Variants in VXN observed in about 807,000 individuals in gnomAD.
The protein encoded by VXN is vexin, also known as uncharacterized protein C8orf46.
In VXN, 7 loss-of-function variants were observed where a neutral mutation model predicts 23.1. That is an observed-to-expected ratio of 0.30 (90% confidence interval 0.17 to 0.57). VXN has a LOEUF of 0.57. Ranked by LOEUF, VXN falls within the 20% of genes least tolerant of loss-of-function variation. The pLI is 0.91. For synonymous variants in VXN, 120 were observed against 105.8 expected (o/e 1.13, Z -0.83); for missense variants, 238 against 272.6 (o/e 0.87, Z 0.89).
intron 3 of VXN, 81 bp downstream of exon 3, chr8:66,505,609 G>T: frequency 2.1e-6 from 3 of 1,403,562 alleles, no homozygotes; most frequent in Non-Finnish European, 2.8e-6. Flanking sequence ...CCAGGTCAGG[G>T]CAGCGTTGGC....
At position 66,518,368 on chromosome 8, in the gene VXN, T is replaced by A. The variant is rs911961934; in HGVS notation, c.*2292T>A. 1.4e-4 allele frequency: 22 copies of A among 152,246 alleles called. No homozygotes were observed. The highest frequency in any genetic ancestry group is 5.1e-4 in the African/African-American group (21 of 41,458). The allele number at this position is 152,246 out of a possible 1,614,324, so 9.4% of individuals were successfully genotyped here. The stretch of plus-strand genomic sequence containing the variant: ...TCATTTATAACTGGTATCTTTCATT[T>A]GTATGTGGCAGCTAGAGATTTATAT... On this transcript the variant is annotated 3_prime_UTR_variant, in exon 6 of 6. Coordinates refer to ENST00000305454, the MANE Select transcript of VXN (RefSeq NM_152765.4).
intron 5 of VXN, among the ~76,000 whole-genome samples, chr8:66,515,233 T>C (rs1289079729): frequency 2.0e-5 from 3 of 152,218 alleles, no homozygotes; most frequent in Non-Finnish European, 4.4e-5. Context: ...AATGGCTCCC[T>C]TCTCTCTAAA....
In VXN at chr8:66,505,414, G is replaced by A. The variant is rs1807739747; in HGVS notation, c.166G>A (p.Glu56Lys). The A allele has an allele frequency of 6.3e-7, 1 of 1,581,376 alleles. No homozygotes were observed. The highest frequency in any genetic ancestry group is 2.3e-5 in the East Asian group (1 of 43,544). The change falls in exon 3 of 6, where the codon GAG becomes AAG. Residue 56 changes from glutamate (E) to lysine (K), a missense_variant. Transcript: ENST00000305454. Reference sequence around the variant, plus strand: ...GGACCTGTACACGCACCAGCCCCTGGAGCTGCTGCCCCACCGCGGAGACCG... The same window carrying A: ...GGACCTGTACACGCACCAGCCCCTGAAGCTGCTGCCCCACCGCGGAGACCG... Reference protein sequence around the residue: ...ESDLYTHQPLELLPHRGDRRD... With the variant: ...ESDLYTHQPLKLLPHRGDRRD...
chr8:66,504,403 C>T (rs1043856656), intron 2 of VXN, among the ~76,000 whole-genome samples: 43 of 150,990 alleles, frequency 2.8e-4, no homozygotes, highest in Non-Finnish European at 2.2e-4. Context: ...TGCCCACCAC[C>T]GCCCCCCCAC....
chr8:66,496,442 A>G lies in VXN; in HGVS notation c.76A>G (p.Ser26Gly), dbSNP rs768257600. The G allele has an allele frequency of 3.7e-6, 6 of 1,614,122 alleles. No individual in the cohort carries two copies. The South Asian group carries it at 5.5e-5, about 15-fold the overall frequency. ...CTTTCTCTCTGTCTTTGCAGTATCC[A>G]GTCCAGCCAGAAGAAGAGCCAAAAG... Reference protein sequence around the residue: ...FTTVIPSKVSSPARRRAKSSQ... With the variant: ...FTTVIPSKVSGPARRRAKSSQ... Residue 26 changes from serine (S) to glycine (G), a missense_variant, in exon 2 of 6, where the codon AGT (serine) becomes GGT (glycine). Coordinates refer to ENST00000305454, the MANE Select transcript of VXN (RefSeq NM_152765.4).
At chr8:66,496,393 C>A in intron 1 of VXN, 44 bp from the exon 2 acceptor site, 1 of 1,586,626 alleles carries the variant, frequency 6.3e-7, no homozygotes, top group Non-Finnish European at 8.7e-7. Flanking sequence ...ATGTCAGCCT[C>A]GCTGATGTTG....
At chr8:66,512,434 C>T (rs746789) in intron 4 of VXN, among the ~76,000 whole-genome samples, 6,450 of 152,178 alleles carry the variant, frequency 0.042, 251 homozygotes, top group East Asian at 0.16. Context: ...TGCCCTTGAC[C>T]GGGAATTTCC....
intron 1 of VXN, among the ~76,000 whole-genome samples, chr8:66,494,152 C>G (rs945184647): frequency 4.6e-5 from 7 of 152,162 alleles, no homozygotes; most frequent in Admixed American, 2.6e-4. Flanking sequence ...GAGAAATACT[C>G]CCGGTGGCTG....
intron 2 of VXN, among the ~76,000 whole-genome samples, chr8:66,500,343 C>G (rs1024369772): frequency 2.6e-5 from 4 of 152,164 alleles, no homozygotes; most frequent in African/African-American, 9.7e-5. Context: ...ACAGCTGAGC[C>G]TATACTGTGT....
At position 66,505,236 on chromosome 8, in the gene VXN, C is replaced by T. The variant is rs771976039; in HGVS notation, c.127-139C>T. 40 of 1,195,080 alleles carry T rather than the reference C, an allele frequency of 3.3e-5. No homozygotes were observed. In the South Asian group the frequency reaches 5.0e-4, roughly 15 times the overall value. The allele number at this position is 1,195,080 out of a possible 1,614,324, so 74.0% of individuals were successfully genotyped here. A position where few individuals can be genotyped will look rare whatever the true frequency, so the allele number is the denominator to read the frequency against. On this transcript the variant is annotated intron_variant, in intron 2 of 5. Coordinates refer to ENST00000305454, the MANE Select transcript of VXN (RefSeq NM_152765.4). ...TTCCTGCCCAGATTTTGTCGCTGTT[C>T]CTAGAATTCACTGGAATCACGAAGG...
intron 5 of VXN, 78 bp from the exon 6 acceptor site, chr8:66,515,815 C>A: frequency 1.6e-6 from 2 of 1,282,582 alleles, no homozygotes; most frequent in African/African-American, 1.5e-5. Flanking sequence ...AGAGCTCTGG[C>A]CACTCTTCTT....
chr8:66,505,646 G>T, intron 3 of VXN, 118 bp downstream of exon 3: 1 of 1,247,822 alleles, frequency 8.0e-7, no homozygotes, highest in Non-Finnish European at 1.1e-6. Context: ...GTCGCGCCAG[G>T]TGACCAAGCA....
chr8:66,503,447 C>T (rs1807713638), intron 2 of VXN: 1 of 152,200 alleles, frequency 6.6e-6, no homozygotes, highest in Admixed American at 6.5e-5. Flanking sequence ...TCAAAGACGT[C>T]AGCAGATGGG....
intron 3 of VXN, among the ~76,000 whole-genome samples, chr8:66,506,911 G>C (rs1021933042): frequency 3.4e-5 from 5 of 149,128 alleles, no homozygotes; most frequent in Middle Eastern, 3.5e-3. Context: ...TCTATATATA[G>C]GTGGGTGGGT....
chr8:66,505,089 C>T (rs758742925), intron 2 of VXN: 4 of 541,886 alleles, frequency 7.4e-6, no homozygotes, highest in South Asian at 3.6e-5. Flanking sequence ...GGCCCAGGCT[C>T]CTGACCCTGT....
chr8:66,510,277 G>T (rs1213619508), intron 4 of VXN, 120 bp downstream of exon 4: 1 of 850,088 alleles, frequency 1.2e-6, no homozygotes, highest in Admixed American at 2.9e-5. Context: ...AGGATTATTA[G>T]AAAAGCATAA....
chr8:66,504,751 C>G (rs945419198), intron 2 of VXN, among the ~76,000 whole-genome samples: 1 of 152,182 alleles, frequency 6.6e-6, no homozygotes, highest in African/African-American at 2.4e-5. Flanking sequence ...AGTGGAAATT[C>G]ATCTCCCAGC....
Position 66,515,880 on chromosome 8 carries a change from G to A in VXN, c.441-13G>A. On this transcript the variant is annotated splice_polypyrimidine_tract_variant and intron_variant, in intron 5 of 5. Coordinates refer to ENST00000305454, the MANE Select transcript of VXN (RefSeq NM_152765.4). ...CAGACCACCCTCCCCACCCACTCCT[G>A]GCTTTTCTTTAGATCCAGACATCTC... 1 of 1,563,358 alleles carries A rather than the reference G, an allele frequency of 6.4e-7. No individual in the cohort carries two copies. Among genetic ancestry groups the A allele is most frequent in the Non-Finnish European group, 8.7e-7 (1 of 1,155,178 alleles).
intron 3 of VXN, among the ~76,000 whole-genome samples, chr8:66,509,874 A>G (rs1807802223): frequency 6.6e-6 from 1 of 152,088 alleles, no homozygotes. Flanking sequence ...CAATGAACCT[A>G]CATAGACACA....
Sources: gnomAD v4.1 joint callset for allele counts (sites outside exome capture counted in the v4.1 genomes callset) on GRCh38, gnomAD v4.1.1 for gene constraint, MANE v1.5 for transcripts, NCBI Gene and HGNC (gene_info 2026-07-23, HGNC 2026-07-21) for gene names.